SGCD: variants seen among roughly 807,000 people sequenced by gnomAD.
The protein encoded by SGCD is sarcoglycan delta, also known as delta-sarcoglycan.
A neutral mutation model predicts 36.6 loss-of-function variants in SGCD; 18 were observed. That is an observed-to-expected ratio of 0.49 (90% CI 0.34 to 0.73). The LOEUF (loss-of-function observed/expected upper bound fraction) is 0.73, where lower values mean the gene tolerates loss of function less well. SGCD is among the 30% of genes least tolerant of loss of function. The probability of loss-of-function intolerance (pLI) is 0.01; values close to 1 mark genes in which losing one functional copy is unlikely to be tolerated. For missense variants in SGCD, 387 were observed against 346.7 expected (o/e 1.12, Z -0.92); for synonymous variants, 133 against 130.6 (o/e 1.02, Z -0.12).
intron 3 of SGCD, among the ~76,000 whole-genome samples, chr5:156,178,048 C>T (rs1419783519): frequency 6.6e-6 from 1 of 152,054 alleles, no homozygotes; most frequent in Non-Finnish European, 1.5e-5. Flanking sequence ...TGATGTTAGC[C>T]TACAGTTTGG....
chr5:155,816,620 G>T, the SGCD span, among the ~76,000 whole-genome samples: 1 of 152,252 alleles, frequency 6.6e-6, no homozygotes, highest in South Asian at 2.1e-4. Flanking sequence ...TTAGTTTTGG[G>T]TATAGTGATA....
chr5:155,892,204 TC>T (rs1218400321), intron 1 of SGCD, among the ~76,000 whole-genome samples: 4 of 152,084 alleles, frequency 2.6e-5, no homozygotes, highest in African/African-American at 9.7e-5. Flanking sequence ...ACGCCTGTAG[TC>T]CCAGCACTTT....
intron 1 of SGCD, among the ~76,000 whole-genome samples, chr5:155,963,847 C>G (rs1027482025): frequency 3.9e-5 from 6 of 151,928 alleles, no homozygotes; most frequent in African/African-American, 1.4e-4. Context: ...AAAATGAACC[C>G]CTTCCAAAAT....
chr5:156,398,480 G>A lies in SGCD; in HGVS notation c.192+53803G>A, dbSNP rs80220302. On this transcript the variant is annotated intron_variant, in intron 3 of 8. Transcript: ENST00000337851. ...TGTTGGGAGGGGAGCAGATGATAAA[G>A]GATCCTAGAAAACAAACTTCTTTCT... 2.7e-3 allele frequency among the ~76,000 whole-genome samples: 417 copies of A among 152,266 alleles called. 2 individuals are homozygous for A. The highest frequency in any genetic ancestry group is 9.4e-3 in the African/African-American group (391 of 41,568).
At chr5:156,752,343 A>C (rs1466038792) in intron 7 of SGCD, among the ~76,000 whole-genome samples, 2 of 152,138 alleles carry the variant, frequency 1.3e-5, no homozygotes, top group African/African-American at 4.8e-5. Context: ...TTGCTACAAA[A>C]TTTGTTTTTT....
In SGCD at chr5:156,067,736, G is replaced by A. The variant is rs1231989413; in HGVS notation, c.-281-50142G>A. On this transcript the variant is annotated intron_variant, in intron 1 of 9. Transcript: ENST00000517913. ...CGACCATCACCCCTTTCTTTGACTC[G>A]GAAAGGGAACTCCCTGACCCCTTGC... is the stretch of plus-strand genomic sequence containing the variant. Among the ~76,000 whole-genome samples, 32 of 133,334 alleles carry A rather than the reference G, an allele frequency of 2.4e-4. 1 individual carries two copies. The highest frequency in any genetic ancestry group is 4.9e-4 in the Admixed American group (7 of 14,192). The allele number at this position is 133,334 out of a possible 152,430, so 87.5% of individuals were successfully genotyped here.
intron 7 of SGCD, among the ~76,000 whole-genome samples, chr5:156,684,573 C>T (rs981921552): frequency 1.4e-4 from 21 of 152,198 alleles, no homozygotes; most frequent in African/African-American, 4.3e-4. Context: ...ATATCATCTC[C>T]TTTTGTAAGG....
At chr5:156,254,308 T>TG (rs1765657688) in intron 3 of SGCD, among the ~76,000 whole-genome samples, 1 of 152,190 alleles carries the variant, frequency 6.6e-6, no homozygotes, top group African/African-American at 2.4e-5. Context: ...TGTGCCATGT[T>TG]GGTGTGCTGC....
intron 3 of SGCD, among the ~76,000 whole-genome samples, chr5:156,486,891 G>A (rs952278491): frequency 6.6e-6 from 1 of 152,136 alleles, no homozygotes; most frequent in Non-Finnish European, 1.5e-5. Context: ...GCCTATGTGT[G>A]CCCCTCAGGG....
At chr5:155,738,696 A>T in the SGCD span, among the ~76,000 whole-genome samples, 1 of 132,848 alleles carries the variant, frequency 7.5e-6, no homozygotes, top group African/African-American at 3.2e-5. Flanking sequence ...GTGAGAGTGT[A>T]TATGAGAGTG....
intron 1 of SGCD, among the ~76,000 whole-genome samples, chr5:155,938,575 A>C (rs1409471551): frequency 6.6e-6 from 1 of 152,136 alleles, no homozygotes; most frequent in Non-Finnish European, 1.5e-5. Flanking sequence ...GAATGTTCTT[A>C]ATTGGGCTGT....
intron 4 of SGCD, among the ~76,000 whole-genome samples, chr5:156,583,501 A>G (rs1300276576): frequency 6.6e-6 from 1 of 152,178 alleles, no homozygotes; most frequent in South Asian, 2.1e-4. Context: ...CTGAATGACT[A>G]CAATAATCTC....
At chr5:156,639,987 C>T (rs1036990726) in intron 6 of SGCD, among the ~76,000 whole-genome samples, 8 of 152,096 alleles carry the variant, frequency 5.3e-5, no homozygotes, top group Admixed American at 2.0e-4. Context: ...TTAGTGTCCA[C>T]ACTTATCTAC....
intron 3 of SGCD, among the ~76,000 whole-genome samples, chr5:156,168,371 C>T (rs944923461): frequency 2.1e-4 from 30 of 145,388 alleles, no homozygotes; most frequent in Non-Finnish European, 3.8e-4. Context: ...CCTATCTCTA[C>T]AAAAAAAAAA....
chr5:156,024,830 T>A (rs917116968), intron 1 of SGCD, among the ~76,000 whole-genome samples: 3 of 151,764 alleles, frequency 2.0e-5, no homozygotes, highest in African/African-American at 7.3e-5. Flanking sequence ...TGGTGGCGTG[T>A]GCCTGTAGTC....
At chr5:155,728,291 CCGCTGCCGG>C in the SGCD span, among the ~76,000 whole-genome samples, 3 of 152,144 alleles carry the variant, frequency 2.0e-5, no homozygotes, top group Admixed American at 6.5e-5. Context: ...GCCGCTGCTG[CCGCTGCCGG>C]AGCCCGAACC....
intron 3 of SGCD, among the ~76,000 whole-genome samples, chr5:156,253,398 T>C (rs1005016153): frequency 2.6e-5 from 4 of 152,184 alleles, no homozygotes; most frequent in Non-Finnish European, 5.9e-5. Context: ...CAATTTTATA[T>C]TTACAAGGAA....
intron 1 of SGCD, among the ~76,000 whole-genome samples, chr5:156,068,105 T>TTTTTA (rs879680827): frequency 0.025 from 3,707 of 147,658 alleles, 165 homozygotes; most frequent in African/African-American, 0.088. Flanking sequence ...TATATTTTTA[T>TTTTTA]TTTTATTTTA....
intron 3 of SGCD, among the ~76,000 whole-genome samples, chr5:156,498,154 T>C (rs1756280064): frequency 1.3e-5 from 2 of 151,964 alleles, no homozygotes; most frequent in Non-Finnish European, 2.9e-5. Flanking sequence ...CCCCAAGCAC[T>C]TATCTCTAAA....
Sources: allele counts gnomAD v4.1 joint callset (sites outside exome capture counted in the v4.1 genomes callset), GRCh38; gene constraint gnomAD v4.1.1; transcripts MANE v1.5; gene names NCBI Gene and HGNC (gene_info 2026-07-23, HGNC 2026-07-21).